ANKS6: variants seen among roughly 807,000 people sequenced by gnomAD.
ANKS6 encodes the protein ankyrin repeat and SAM domain-containing protein 6.
Under a neutral mutation model 77.9 loss-of-function variants are expected in ANKS6, and 47 were observed. The ratio of observed to expected loss-of-function variants is 0.60; its 90% CI spans 0.48 to 0.77. The LOEUF (loss-of-function observed/expected upper bound fraction) is 0.77. ANKS6 is among the 30% of genes least tolerant of loss of function. ANKS6 has a pLI of 0.00. For synonymous variants in ANKS6, 488 were observed against 501.7 expected (o/e 0.97, Z 0.37); for missense variants, 1,150 against 1,159.1 (o/e 0.99, Z 0.11).
rs1831274021 is a variant in ANKS6 at position 98,732,839 on chromosome 9, G to A, written c.*3680C>T. 7 of 1,228,656 alleles carry A rather than the reference G, an allele frequency of 5.7e-6. No homozygotes were observed. In the South Asian group the frequency reaches 1.6e-4, roughly 27 times the overall value. The allele number at this position is 1,228,656 out of a possible 1,614,324, so 76.1% of individuals were successfully genotyped here. A position where few individuals can be genotyped will look rare whatever the true frequency, so the allele number is the denominator to read the frequency against. On this transcript the variant is annotated 3_prime_UTR_variant, in exon 15 of 15. Transcript: ENST00000353234. ...TACTCATTTTAAAGGACTAAAAACA[G>A]AAAAACAGGCACCCAACTGACCCTT...
chr9:98,794,597 A>G (rs1835077555), intron 1 of ANKS6, among the ~76,000 whole-genome samples: 1 of 152,166 alleles, frequency 6.6e-6, no homozygotes, highest in African/African-American at 2.4e-5. Context: ...CACATTTTAA[A>G]ATACCCAGGC....
At chr9:98,767,537 T>C (rs1237875721) in intron 11 of ANKS6, among the ~76,000 whole-genome samples, 1 of 152,198 alleles carries the variant, frequency 6.6e-6, no homozygotes, top group Non-Finnish European at 1.5e-5. Flanking sequence ...AATTTCCCAG[T>C]TCACAGTTGG....
rs1463516810 is a variant in ANKS6, at chr9:98,780,146, T to C, written c.1368+43A>G. 2.5e-6 allele frequency: 4 copies of C among 1,606,878 alleles called. No individual in the cohort carries two copies. The Admixed American group carries it at 5.0e-5, about 20-fold the overall frequency. ...GCAGCAGGCTCCCCGCCAGCCCCCATCTCCCTAGCCCCCAAGCCCCTTTAA... is the reference window on the plus strand; with the variant it reads ...GCAGCAGGCTCCCCGCCAGCCCCCACCTCCCTAGCCCCCAAGCCCCTTTAA... On this transcript the variant is annotated intron_variant, in intron 6 of 14. Transcript: ENST00000353234.
chr9:98,746,359 C>T (rs1340503630), intron 13 of ANKS6, among the ~76,000 whole-genome samples: 2 of 152,154 alleles, frequency 1.3e-5, no homozygotes. Flanking sequence ...CCTTGCATGT[C>T]GGACAACAAT....
rs1240160156 is a variant in ANKS6 at position 98,796,212 on chromosome 9, C to G, written c.280G>C (p.Val94Leu). The G allele has an allele frequency of 1.4e-6, 2 of 1,415,438 alleles. No homozygotes were observed. The highest frequency in any genetic ancestry group is 2.7e-5 in the Admixed American group (1 of 37,448). 87.7% of individuals were successfully genotyped at this position (1,415,438 alleles called of 1,614,324 possible). Residue 94 changes from valine (V) to leucine (L), a missense_variant, in exon 1 of 15, where the codon GTG (valine) becomes CTG (leucine). Coordinates refer to ENST00000353234, the MANE Select transcript of ANKS6 (RefSeq NM_173551.5). ...FAAAGGHEPL[V>L]RFLLRRGASV... ...GCACCGCGGCGCAGCAGGAAGCGCA[C>G]CAGCGGTTCGTGGCCCCCGGCCGCG...
intron 13 of ANKS6, among the ~76,000 whole-genome samples, chr9:98,746,894 G>T (rs1007657617): frequency 1.3e-5 from 2 of 152,246 alleles, no homozygotes; most frequent in African/African-American, 4.8e-5. Context: ...TTATCTGGGA[G>T]ATGGGACAAA....
chr9:98,756,579 G>A lies in ANKS6; in HGVS notation c.2167C>T (p.Pro723Ser), dbSNP rs1424021622. The change falls in exon 12 of 15, where the codon CCA (proline) becomes TCA (serine). Residue 723 changes from proline (P) to serine (S), a missense_variant. By Grantham distance (74) the Pro-to-Ser change is moderately conservative (BLOSUM62 -1). Coordinates refer to ENST00000353234, the MANE Select transcript of ANKS6 (RefSeq NM_173551.5). The stretch of plus-strand genomic sequence containing the variant: ...TTGGAGGTAGTGGAAGTTCCAGATG[G>A]AGGCCTTTTGCTGGTCTCCAATTTC... Reference protein sequence around the residue: ...GKKLETSKRPPSGTSTTSKST... With the variant: ...GKKLETSKRPSSGTSTTSKST... 5 of 1,549,854 alleles carry A rather than the reference G, an allele frequency of 3.2e-6. No homozygotes were observed. Among genetic ancestry groups the A allele is most frequent in the Middle Eastern group, 1.7e-4 (1 of 5,746 alleles).
intron 14 of ANKS6, among the ~76,000 whole-genome samples, chr9:98,737,212 C>G (rs1831547233): frequency 6.6e-6 from 1 of 152,150 alleles, no homozygotes; most frequent in Non-Finnish European, 1.5e-5. Context: ...ATTCCAGGCT[C>G]GGAGGCAGCA....
chr9:98,786,168 G>A (rs953551337), intron 2 of ANKS6, among the ~76,000 whole-genome samples: 2 of 152,110 alleles, frequency 1.3e-5, no homozygotes, highest in African/African-American at 2.4e-5. Flanking sequence ...TAGTAGAGAC[G>A]GGGTTTTGCC....
At chr9:98,755,515 C>G (rs1832652710) in intron 12 of ANKS6, among the ~76,000 whole-genome samples, 1 of 152,238 alleles carries the variant, frequency 6.6e-6, no homozygotes, top group African/African-American at 2.4e-5. Flanking sequence ...CTCATCATTC[C>G]CGCATGGGGG....
Position 98,736,584 on chromosome 9 carries a change from A to G in ANKS6, c.2551T>C (p.Phe851Leu), listed in dbSNP as rs747592591. ...RQILQETIHN[F>L]HSSFESSASN... ...GCACTGCTCTCAAAGGAAGAGTGAA[A>G]GTTGTGAATGGTTTCCTGTAAAATT... The change falls in exon 15 of 15, where the codon TTT (phenylalanine) becomes CTT (leucine). Residue 851 changes from phenylalanine to leucine, a missense_variant. Transcript: ENST00000353234. 2 of 1,613,534 alleles carry G rather than the reference A, an allele frequency of 1.2e-6. No individual in the cohort carries two copies. Among genetic ancestry groups the G allele is most frequent in the Non-Finnish European group, 1.7e-6 (2 of 1,179,780 alleles).
At chr9:98,784,185 A>T (rs977992728) in intron 3 of ANKS6, 28 bp from the exon 4 acceptor site, 1 of 1,503,934 alleles carries the variant, frequency 6.6e-7, no homozygotes. Flanking sequence ...AGTCCGGGTG[A>T]ACTGTGGGCC....
intron 1 of ANKS6, 24 bp downstream of exon 1, chr9:98,796,109 G>T: frequency 7.6e-7 from 1 of 1,322,224 alleles, no homozygotes; most frequent in Non-Finnish European, 9.6e-7. Flanking sequence ...TCTGGTCCCG[G>T]GCCCCCGGGC....
chr9:98,788,630 T>C (rs912342098), intron 2 of ANKS6, among the ~76,000 whole-genome samples: 19 of 152,360 alleles, frequency 1.2e-4, no homozygotes, highest in African/African-American at 4.1e-4. Context: ...CGCCAGAGGA[T>C]AACCTGCCTT....
chr9:98,788,995 C>T (rs1834733132), intron 2 of ANKS6, among the ~76,000 whole-genome samples: 2 of 151,176 alleles, frequency 1.3e-5, no homozygotes, highest in Admixed American at 1.3e-4. Context: ...GCTTTTAAAA[C>T]ATGTTTATTT....
At chr9:98,750,735 A>G (rs961370754) in intron 13 of ANKS6, among the ~76,000 whole-genome samples, 1 of 152,218 alleles carries the variant, frequency 6.6e-6, no homozygotes, top group Non-Finnish European at 1.5e-5. Flanking sequence ...CTTTAAGCCT[A>G]TAAGTCTGCC....
chr9:98,749,673 C>A (rs552028826), intron 13 of ANKS6, among the ~76,000 whole-genome samples: 9 of 152,276 alleles, frequency 5.9e-5, no homozygotes, highest in Admixed American at 5.9e-4. Flanking sequence ...AAGCAGGCAG[C>A]GATCAGCAAT....
rs1834037296 is a variant in ANKS6 at position 98,778,384 on chromosome 9, T to C, written c.1409A>G (p.Lys470Arg). 1.2e-6 allele frequency: 2 copies of C among 1,614,058 alleles called. No homozygotes were observed. Among genetic ancestry groups the C allele is most frequent in the Middle Eastern group, 1.6e-4 (1 of 6,062 alleles). The change falls in exon 7 of 15, where the codon AAA (lysine) becomes AGA (arginine). Residue 470 changes from lysine (K) to arginine (R), a missense_variant. Coordinates refer to ENST00000353234, the MANE Select transcript of ANKS6 (RefSeq NM_173551.5). Reference sequence around the variant, plus strand: ...CCCACGGGGCAGCGTCTGCATCAGTTTGAGCTTTCGGAACCGATTGGACAT... The same window carrying C: ...CCCACGGGGCAGCGTCTGCATCAGTCTGAGCTTTCGGAACCGATTGGACAT... ...NRMSNRFRKLKLMQTLPRGLS... is the reference protein window; with the variant it reads ...NRMSNRFRKLRLMQTLPRGLS...
chr9:98,796,053 C>A (rs1835155842), intron 1 of ANKS6, 80 bp downstream of exon 1: 16 of 1,239,998 alleles, frequency 1.3e-5, no homozygotes, highest in Middle Eastern at 3.1e-4. Context: ...CCTCCCGGGG[C>A]ATCCGGCCGC....
Sources: allele counts gnomAD v4.1 joint callset (sites outside exome capture counted in the v4.1 genomes callset), GRCh38; gene constraint gnomAD v4.1.1; transcripts MANE v1.5; gene names NCBI Gene and HGNC (gene_info 2026-07-23, HGNC 2026-07-21).